The following ME1 variants were observed in gnomAD, a reference collection of about 807,000 sequenced individuals.
ME1 encodes NADP-dependent malic enzyme.
In ME1, 74 loss-of-function variants were observed where a neutral mutation model predicts 66.4. That is an observed-to-expected ratio of 1.11 (90% confidence interval 0.92 to 1.35). The LOEUF (loss-of-function observed/expected upper bound fraction) is 1.35. Ranked by LOEUF, ME1 falls within the 40% of genes most tolerant of loss-of-function variation. The probability of loss-of-function intolerance (pLI) is 0.00; values close to 1 mark genes in which losing one functional copy is unlikely to be tolerated. For missense variants in ME1, 750 were observed against 694.1 expected (o/e 1.08, Z -0.90); for synonymous variants, 251 against 235.6 (o/e 1.07, Z -0.60).
At chr6:83,421,020 A>C (rs1430567436) in intron 1 of ME1, among the ~76,000 whole-genome samples, 1 of 152,140 alleles carries the variant, frequency 6.6e-6, no homozygotes, top group Non-Finnish European at 1.5e-5. Flanking sequence ...GTATGCAGAC[A>C]GGGAGGGGGG....
intron 4 of ME1, among the ~76,000 whole-genome samples, chr6:83,348,674 T>C (rs984799291): frequency 3.3e-5 from 5 of 151,092 alleles, no homozygotes; most frequent in African/African-American, 1.2e-4. Context: ...ACTAAATATA[T>C]GTCTTGAACA....
At chr6:83,369,349 A>G (rs185006325) in intron 3 of ME1, among the ~76,000 whole-genome samples, 1 of 152,268 alleles carries the variant, frequency 6.6e-6, no homozygotes, top group African/African-American at 2.4e-5. Context: ...TTTTTAAAAT[A>G]TACTTTATTT....
At chr6:83,285,557 A>C (rs1374910240) in intron 6 of ME1, among the ~76,000 whole-genome samples, 1 of 152,190 alleles carries the variant, frequency 6.6e-6, no homozygotes, top group East Asian at 1.9e-4. Context: ...TAAGATATGC[A>C]AATATTGAAG....
At chr6:83,381,072 G>C (rs1417938303) in intron 3 of ME1, among the ~76,000 whole-genome samples, 2 of 152,096 alleles carry the variant, frequency 1.3e-5, no homozygotes, top group Admixed American at 6.6e-5. Flanking sequence ...TTACATTCTT[G>C]TAACTGCAAG....
chr6:83,280,268 A>G (rs529271607), intron 6 of ME1, among the ~76,000 whole-genome samples: 19 of 152,306 alleles, frequency 1.2e-4, no homozygotes, highest in African/African-American at 4.6e-4. Context: ...AAATAATAAC[A>G]ACAACAATAT....
At chr6:83,397,355 A>T (rs1366072672) in intron 3 of ME1, among the ~76,000 whole-genome samples, 1 of 152,186 alleles carries the variant, frequency 6.6e-6, no homozygotes, top group Non-Finnish European at 1.5e-5. Context: ...CATATAAATG[A>T]CCTACAGGTT....
intron 6 of ME1, among the ~76,000 whole-genome samples, chr6:83,285,255 C>T (rs994280312): frequency 1.3e-5 from 2 of 152,006 alleles, no homozygotes; most frequent in African/African-American, 4.8e-5. Context: ...ATTCTTTTGC[C>T]TGCATCAAAA....
At chr6:83,398,164 T>C (rs544508409) in intron 3 of ME1, among the ~76,000 whole-genome samples, 84 of 152,312 alleles carry the variant, frequency 5.5e-4, no homozygotes, top group Non-Finnish European at 9.7e-4. Context: ...ATAAATGATA[T>C]GAATGTGAAA....
chr6:83,340,946 G>T (rs1404229839), intron 5 of ME1, among the ~76,000 whole-genome samples: 2 of 151,802 alleles, frequency 1.3e-5, no homozygotes, highest in Non-Finnish European at 2.9e-5. Context: ...TCTGGTGACA[G>T]TTGACAAGCA....
chr6:83,399,266 G>A (rs111377545), intron 2 of ME1, among the ~76,000 whole-genome samples: 8,416 of 152,028 alleles, frequency 0.055, 782 homozygotes, highest in African/African-American at 0.19. Context: ...AAAGTGCTGG[G>A]ATTACAGGCA....
intron 7 of ME1, among the ~76,000 whole-genome samples, chr6:83,251,013 C>T (rs910881946): frequency 1.3e-5 from 2 of 152,214 alleles, no homozygotes; most frequent in Non-Finnish European, 2.9e-5. Context: ...ATTTGGCTCA[C>T]AGACTGTACT....
intron 6 of ME1, among the ~76,000 whole-genome samples, chr6:83,277,596 A>G (rs1050553600): frequency 3.5e-4 from 54 of 152,132 alleles, no homozygotes; most frequent in Non-Finnish European, 5.6e-4. Context: ...TCAAACTAAA[A>G]CTAAGAACAA....
chr6:83,261,752 G>A (rs1245747867), intron 6 of ME1, among the ~76,000 whole-genome samples: 4 of 151,972 alleles, frequency 2.6e-5, no homozygotes, highest in Admixed American at 6.6e-5. Context: ...GGTGGCTCAC[G>A]CCTGTAATCC....
chr6:83,265,406 C>T (rs77018900), intron 6 of ME1, among the ~76,000 whole-genome samples: 4,688 of 152,130 alleles, frequency 0.031, 115 homozygotes, highest in Middle Eastern at 0.051. Context: ...AAGTAATTTT[C>T]CCATTTCAGC....
chr6:83,330,167 T>C (rs958769106), intron 5 of ME1, among the ~76,000 whole-genome samples: 10 of 152,184 alleles, frequency 6.6e-5, no homozygotes, highest in African/African-American at 2.4e-4. Flanking sequence ...ATTAAGAACA[T>C]TATACACCTT....
chr6:83,350,631 T>C (rs1768781629), intron 4 of ME1, among the ~76,000 whole-genome samples: 1 of 151,936 alleles, frequency 6.6e-6, no homozygotes, highest in Admixed American at 6.6e-5. Flanking sequence ...ACTACAGGCA[T>C]GCACCACCAT....
intron 3 of ME1, among the ~76,000 whole-genome samples, chr6:83,386,068 T>C (rs1438789415): frequency 6.6e-6 from 1 of 151,946 alleles, no homozygotes; most frequent in Non-Finnish European, 1.5e-5. Flanking sequence ...CTTTTTCTCA[T>C]ACCTTAAAGT....
chr6:83,253,540 G>T, intron 7 of ME1, 89 bp downstream of exon 7: 1 of 704,708 alleles, frequency 1.4e-6, no homozygotes, highest in East Asian at 2.5e-5. Flanking sequence ...AAGGTACTCA[G>T]TATATATTGA....
chr6:83,395,285 C>T (rs1769707436), intron 3 of ME1, among the ~76,000 whole-genome samples: 1 of 151,772 alleles, frequency 6.6e-6, no homozygotes, highest in Non-Finnish European at 1.5e-5. Context: ...TAGGGTTTCA[C>T]CATGTTGGCC....
Sources: allele counts gnomAD v4.1 joint callset (sites outside exome capture counted in the v4.1 genomes callset), GRCh38; gene constraint gnomAD v4.1.1; transcripts MANE v1.5; gene names NCBI Gene and HGNC (gene_info 2026-07-23, HGNC 2026-07-21).